BMERB1: variants seen among roughly 807,000 people sequenced by gnomAD.
The protein encoded by BMERB1 is bMERB domain containing 1.
A neutral mutation model predicts 23.6 loss-of-function variants in BMERB1; 12 were observed. That is an observed-to-expected ratio of 0.51 (90% confidence interval 0.33 to 0.82). The LOEUF is 0.82. Ranked by LOEUF, BMERB1 falls within the 40% of genes least tolerant of loss-of-function variation. BMERB1 has a pLI of 0.03. For missense variants in BMERB1, 247 were observed against 255.4 expected (o/e 0.97, Z 0.22); for synonymous variants, 122 against 96.6 (o/e 1.26, Z -1.54).
At chr16:15,469,025 T>C (rs1361851894) in intron 1 of BMERB1, among the ~76,000 whole-genome samples, 1 of 149,588 alleles carries the variant, frequency 6.7e-6, no homozygotes, top group African/African-American at 2.5e-5. Context: ...TGGAGTCCGG[T>C]GGTGCAGTCA....
chr16:15,481,669 C>G (rs972346315), intron 1 of BMERB1, among the ~76,000 whole-genome samples: 2 of 151,926 alleles, frequency 1.3e-5, no homozygotes, highest in African/African-American at 4.8e-5. Context: ...TCTGCATTTT[C>G]TATAACAAGA....
chr16:15,570,794 A>G (rs1263608602), intron 3 of BMERB1, among the ~76,000 whole-genome samples: 2 of 151,864 alleles, frequency 1.3e-5, no homozygotes, highest in Non-Finnish European at 2.9e-5. Flanking sequence ...GTTTTCTGGG[A>G]AAGGGGTGGG....
chr16:15,470,785 A>G (rs571270675), intron 1 of BMERB1, among the ~76,000 whole-genome samples: 24 of 148,724 alleles, frequency 1.6e-4, no homozygotes, highest in Non-Finnish European at 2.8e-4. Flanking sequence ...TGGCCTCCCA[A>G]AGTGCTGGGA....
chr16:15,512,762 C>G (rs2150949846), intron 1 of BMERB1, among the ~76,000 whole-genome samples: 1 of 151,998 alleles, frequency 6.6e-6, no homozygotes, highest in Non-Finnish European at 1.5e-5. Context: ...GCCTGTAACC[C>G]AAGCTACTCA....
At chr16:15,542,087 G>A (rs531704582) in intron 2 of BMERB1, among the ~76,000 whole-genome samples, 22 of 134,972 alleles carry the variant, frequency 1.6e-4, no homozygotes, top group African/African-American at 6.3e-4. Context: ...TTTTTGAGAC[G>A]GAGTCTCACT....
At chr16:15,452,692 C>T (rs777759265) in intron 1 of BMERB1, among the ~76,000 whole-genome samples, 16 of 152,160 alleles carry the variant, frequency 1.1e-4, no homozygotes, top group African/African-American at 3.9e-4. Flanking sequence ...AACTGCTGCT[C>T]GCGGGCAAGG....
intron 1 of BMERB1, among the ~76,000 whole-genome samples, chr16:15,491,710 G>A (rs913975564): frequency 1.4e-4 from 22 of 151,964 alleles, no homozygotes; most frequent in African/African-American, 5.3e-4. Flanking sequence ...TTCTGCACTC[G>A]TGGATCCTCT....
At chr16:15,530,035 C>T (rs1173521642) in intron 2 of BMERB1, among the ~76,000 whole-genome samples, 2 of 152,162 alleles carry the variant, frequency 1.3e-5, no homozygotes, top group African/African-American at 2.4e-5. Flanking sequence ...ATTCCAGCTT[C>T]TAGAACCGTA....
Position 15,520,149 on chromosome 16 carries a change from G to A in BMERB1, c.230+4721G>A, listed in dbSNP as rs148972252. On this transcript the variant is annotated intron_variant, in intron 2 of 5. Transcript: ENST00000300006. ...TATGAATGAGGAAATTGAGGTCGGAGAGGCAAAGTGACTTGTTCGAGGTCA... is the reference window on the plus strand; with the variant it reads ...TATGAATGAGGAAATTGAGGTCGGAAAGGCAAAGTGACTTGTTCGAGGTCA... Among the ~76,000 whole-genome samples, 4 of 152,222 alleles carry A rather than the reference G, an allele frequency of 2.6e-5. No individual in the cohort carries two copies. The East Asian group carries it at 7.7e-4, about 29-fold the overall frequency.
At chr16:15,517,936 C>G (rs1260291516) in intron 2 of BMERB1, among the ~76,000 whole-genome samples, 1 of 122,564 alleles carries the variant, frequency 8.2e-6, no homozygotes, top group Admixed American at 8.1e-5. Flanking sequence ...TGTGTGTGTG[C>G]ATGTGTGGGT....
intron 1 of BMERB1, among the ~76,000 whole-genome samples, chr16:15,456,378 C>T (rs956424861): frequency 6.6e-6 from 1 of 151,392 alleles, no homozygotes; most frequent in Non-Finnish European, 1.5e-5. Flanking sequence ...GTTCTGTCAC[C>T]CAGGCTGGAG....
chr16:15,446,559 C>G (rs1223801539), intron 1 of BMERB1, among the ~76,000 whole-genome samples: 2 of 152,148 alleles, frequency 1.3e-5, no homozygotes, highest in Non-Finnish European at 2.9e-5. Context: ...TACAGAGGAG[C>G]AAACTGAGGC....
At chr16:15,586,022 A>G (rs1042067227) in intron 5 of BMERB1, among the ~76,000 whole-genome samples, 12 of 152,346 alleles carry the variant, frequency 7.9e-5, no homozygotes, top group Admixed American at 6.5e-4. Context: ...GTAAGATGCT[A>G]TGAAAAAAGA....
At chr16:15,479,291 T>TG (rs563074760) in intron 1 of BMERB1, among the ~76,000 whole-genome samples, 3 of 152,128 alleles carry the variant, frequency 2.0e-5, no homozygotes, top group Non-Finnish European at 4.4e-5. Context: ...GTGTCAAATG[T>TG]GGAAGATCAG....
chr16:15,467,752 G>C (rs980018168), intron 1 of BMERB1, among the ~76,000 whole-genome samples: 7 of 152,168 alleles, frequency 4.6e-5, no homozygotes, highest in Non-Finnish European at 7.3e-5. Flanking sequence ...ACAGCCCTCA[G>C]GAGATCCTGA....
intron 1 of BMERB1, among the ~76,000 whole-genome samples, chr16:15,444,119 C>CTTTTTTTTTTTTTTTTTTTTTTT (rs1225982061): frequency 8.2e-5 from 2 of 24,462 alleles, no homozygotes; most frequent in East Asian, 2.0e-3. Flanking sequence ...CAGGCACCAG[C>CTTTTTTTTTTTTTTTTTTTTTTT]TTTGTTTTTT....
intron 2 of BMERB1, among the ~76,000 whole-genome samples, chr16:15,551,152 C>T (rs888113286): frequency 1.3e-4 from 20 of 152,166 alleles, no homozygotes; most frequent in African/African-American, 9.7e-5. Context: ...GCTGACTCAC[C>T]GCCTTTGATA....
At chr16:15,467,125 G>A (rs142836435) in intron 1 of BMERB1, among the ~76,000 whole-genome samples, 80 of 152,206 alleles carry the variant, frequency 5.3e-4, no homozygotes, top group African/African-American at 1.7e-3. Flanking sequence ...CCAGTTACAG[G>A]CTATTATGCT....
At chr16:15,472,539 A>G (rs1205636020) in intron 1 of BMERB1, among the ~76,000 whole-genome samples, 1 of 152,110 alleles carries the variant, frequency 6.6e-6, no homozygotes, top group East Asian at 1.9e-4. Context: ...AGTCTACTTT[A>G]TCTGGTATTA....
Sources: gnomAD v4.1 joint callset for allele counts (sites outside exome capture counted in the v4.1 genomes callset) on GRCh38, gnomAD v4.1.1 for gene constraint, MANE v1.5 for transcripts, NCBI Gene and HGNC (gene_info 2026-07-23, HGNC 2026-07-21) for gene names.